Variants in SORCS1 observed in about 807,000 individuals in gnomAD.
SORCS1 encodes the protein VPS10 domain-containing receptor SorCS1.
Under a neutral mutation model 146.1 loss-of-function variants are expected in SORCS1, and 60 were observed. That is an observed-to-expected ratio of 0.41 (90% CI 0.33 to 0.51). The LOEUF (loss-of-function observed/expected upper bound fraction) is 0.51, where lower values mean the gene tolerates loss of function less well. Ranked by LOEUF, SORCS1 falls within the 20% of genes least tolerant of loss-of-function variation. The pLI is 0.21. For missense variants in SORCS1, 1,352 were observed against 1,487.6 expected (o/e 0.91, Z 1.50); for synonymous variants, 637 against 584.0 (o/e 1.09, Z -1.31).
chr10:107,169,589 A>G (rs1012718219), upstream of SORCS1, among the ~76,000 whole-genome samples: 1 of 152,166 alleles, frequency 6.6e-6, no homozygotes, highest in African/African-American at 2.4e-5. Flanking sequence ...TAACAAAACT[A>G]TCTTGGATTT....
chr10:107,049,938 G>GT (rs1446783776), intron 1 of SORCS1, among the ~76,000 whole-genome samples: 1 of 152,118 alleles, frequency 6.6e-6, no homozygotes, highest in Non-Finnish European at 1.5e-5. Flanking sequence ...TAAACGAAAC[G>GT]TAATATATCT....
chr10:107,164,606 G>GC lies in SORCS1; in HGVS notation c.-81dup, dbSNP rs1969976280. ...AGCTCTGCGCTGGCGGCTGTGGGGGGCCGGCGCTCAGGACCCCAACTCCAT... is the reference window on the plus strand; with the variant it reads ...AGCTCTGCGCTGGCGGCTGTGGGGGGCCCGGCGCTCAGGACCCCAACTCCAT... On this transcript the variant is annotated 5_prime_UTR_variant, in exon 1 of 26. Coordinates refer to ENST00000263054, the MANE Select transcript of SORCS1 (RefSeq NM_052918.5). The surrounding 1 kb of genome is among the most constrained non-coding windows in gnomAD (Gnocchi z 6.8). 8.4e-6 allele frequency: 10 copies of GC among 1,194,148 alleles called. No individual in the cohort carries two copies. In the East Asian group the frequency reaches 2.9e-4, roughly 34 times the overall value. 74.0% of individuals were successfully genotyped at this position (1,194,148 alleles called of 1,614,324 possible).
chr10:107,127,182 C>T (rs1966759798), intron 1 of SORCS1, among the ~76,000 whole-genome samples: 1 of 152,110 alleles, frequency 6.6e-6, no homozygotes, highest in Non-Finnish European at 1.5e-5. Context: ...AGAGCTAGAT[C>T]TTGCCATTAG....
intron 1 of SORCS1, among the ~76,000 whole-genome samples, chr10:106,965,340 G>A (rs1482121830): frequency 1.3e-5 from 2 of 152,082 alleles, no homozygotes; most frequent in Admixed American, 6.6e-5. Flanking sequence ...CCAGGATCCT[G>A]CCACATGCCC....
At chr10:106,813,128 CT>C (rs71025557) in intron 3 of SORCS1, among the ~76,000 whole-genome samples, 366 of 98,714 alleles carry the variant, frequency 3.7e-3, no homozygotes, top group African/African-American at 8.1e-3. Context: ...CTTCTCTTTT[CT>C]TTTTTTTTTT....
intron 8 of SORCS1, among the ~76,000 whole-genome samples, chr10:106,705,895 A>T (rs1854483141): frequency 6.6e-6 from 1 of 152,166 alleles, no homozygotes; most frequent in Non-Finnish European, 1.5e-5. Flanking sequence ...AGTCTAAAAA[A>T]TTAGCTGCGA....
intron 1 of SORCS1, among the ~76,000 whole-genome samples, chr10:107,049,821 A>T (rs1224836814): frequency 1.3e-5 from 2 of 152,176 alleles, no homozygotes; most frequent in African/African-American, 4.8e-5. Context: ...GCTAAAGATG[A>T]ATTTGGATTT....
chr10:106,875,113 T>C (rs958142205), intron 2 of SORCS1, among the ~76,000 whole-genome samples: 1 of 152,140 alleles, frequency 6.6e-6, no homozygotes, highest in African/African-American at 2.4e-5. Flanking sequence ...ACATCCCCCT[T>C]CCACTCTCCT....
At chr10:106,970,470 C>T (rs192748551) in intron 1 of SORCS1, among the ~76,000 whole-genome samples, 1 of 151,532 alleles carries the variant, frequency 6.6e-6, no homozygotes, top group Admixed American at 6.6e-5. Flanking sequence ...TCCAGAGTAG[C>T]TGGGATTACA....
At chr10:106,708,263 T>C (rs1854679696) in intron 7 of SORCS1, among the ~76,000 whole-genome samples, 1 of 152,154 alleles carries the variant, frequency 6.6e-6, no homozygotes, top group African/African-American at 2.4e-5. Context: ...TGTGTGTGTG[T>C]GTGTGTATGT....
intron 1 of SORCS1, among the ~76,000 whole-genome samples, chr10:106,995,638 C>T (rs1425492314): frequency 2.0e-5 from 3 of 152,102 alleles, no homozygotes; most frequent in Non-Finnish European, 4.4e-5. Context: ...CATCAAATTG[C>T]TCTTTTCTTC....
At chr10:107,006,351 ACAGGTGTATTAAAT>A (rs1009278848) in intron 1 of SORCS1, among the ~76,000 whole-genome samples, 19 of 152,188 alleles carry the variant, frequency 1.2e-4, no homozygotes, top group South Asian at 8.3e-4. Context: ...GGGAGGAAAA[ACAGGTGTATTAAAT>A]CAGAGCAACA....
intron 1 of SORCS1, among the ~76,000 whole-genome samples, chr10:107,092,427 A>T (rs1218253560): frequency 6.6e-6 from 1 of 152,190 alleles, no homozygotes; most frequent in Non-Finnish European, 1.5e-5. Context: ...TTGCATGGTG[A>T]GAGGCAATGC....
At chr10:106,892,758 G>T (rs978854161) in intron 2 of SORCS1, among the ~76,000 whole-genome samples, 1 of 151,976 alleles carries the variant, frequency 6.6e-6, no homozygotes, top group Admixed American at 6.6e-5. Context: ...CATGTCTCCA[G>T]ATAAATTAAA....
intron 1 of SORCS1, among the ~76,000 whole-genome samples, chr10:107,015,607 T>A (rs1391181630): frequency 6.6e-6 from 1 of 152,190 alleles, no homozygotes. Context: ...TCACAAATAA[T>A]TTCAAAATGG....
In SORCS1 at chr10:106,607,167, T is replaced by G. The variant is rs774522221; in HGVS notation, c.3164A>C (p.Gln1055Pro). The G allele has an allele frequency of 6.2e-7, 1 of 1,613,942 alleles. No homozygotes were observed. Among genetic ancestry groups the G allele is most frequent in the Admixed American group, 1.7e-5 (1 of 60,002 alleles). Reference protein sequence around the residue: ...ENKRSTDDLEQISELLIHTLN... With the variant: ...ENKRSTDDLEPISELLIHTLN... ...CGTCTCCTTTTCCAGGGGACTCACC[T>G]GCTCCAGGTCATCAGTTGACCTTTT... is the stretch of plus-strand genomic sequence containing the variant. Residue 1055 changes from glutamine to proline, a missense_variant and splice_region_variant, in exon 23 of 26, where the codon CAG (glutamine) becomes CCG (proline). Coordinates refer to ENST00000263054, the MANE Select transcript of SORCS1 (RefSeq NM_052918.5).
At chr10:106,839,986 G>A (rs1564719923) in intron 2 of SORCS1, among the ~76,000 whole-genome samples, 4 of 152,178 alleles carry the variant, frequency 2.6e-5, no homozygotes, top group African/African-American at 9.7e-5. Context: ...CACTGATAAT[G>A]TACCTAGTCA....
At chr10:106,865,158 A>AC (rs1950182677) in intron 2 of SORCS1, among the ~76,000 whole-genome samples, 1 of 151,148 alleles carries the variant, frequency 6.6e-6, no homozygotes, top group African/African-American at 2.4e-5. Flanking sequence ...ATACAAAAAC[A>AC]TGGCCAGACT....
intron 3 of SORCS1, among the ~76,000 whole-genome samples, chr10:106,796,923 A>G (rs560769410): frequency 6.6e-6 from 1 of 152,278 alleles, no homozygotes; most frequent in East Asian, 1.9e-4. Context: ...TCCTGCCAAC[A>G]TGGTGAAATC....
Sources: allele counts gnomAD v4.1 joint callset (sites outside exome capture counted in the v4.1 genomes callset), GRCh38; gene constraint gnomAD v4.1.1; non-coding constraint Gnocchi (gnomAD v3.1); transcripts MANE v1.5; gene names NCBI Gene and HGNC (gene_info 2026-07-23, HGNC 2026-07-21).